FGF14: variants seen among roughly 807,000 people sequenced by gnomAD.
FGF14 encodes fibroblast growth factor 14, also known as fibroblast growth factor homologous factor 4.
A neutral mutation model predicts 25.5 loss-of-function variants in FGF14; 5 were observed. That is an observed-to-expected ratio of 0.20 (90% confidence interval 0.10 to 0.41). FGF14 has a LOEUF of 0.41. FGF14 is among the 10% of genes least tolerant of loss of function. The pLI is 1.00. For missense variants in FGF14, 222 were observed against 320.1 expected (o/e 0.69, Z 2.34); for synonymous variants, 138 against 118.3 (o/e 1.17, Z -1.08).
chr13:101,829,855 G>A (rs959317072), intron 3 of FGF14, among the ~76,000 whole-genome samples: 1 of 152,044 alleles, frequency 6.6e-6, no homozygotes, highest in Non-Finnish European at 1.5e-5. Flanking sequence ...GCAAATATAT[G>A]AGGTGGGCTC....
At chr13:102,120,170 CAA>C (rs2045652392) in intron 1 of FGF14, among the ~76,000 whole-genome samples, 1 of 151,978 alleles carries the variant, frequency 6.6e-6, no homozygotes, top group Non-Finnish European at 1.5e-5. Flanking sequence ...AGACATTCAT[CAA>C]AAAGAGAGGT....
intron 1 of FGF14, among the ~76,000 whole-genome samples, chr13:102,259,075 G>A (rs953474360): frequency 6.6e-5 from 10 of 152,156 alleles, no homozygotes; most frequent in African/African-American, 1.9e-4. Flanking sequence ...TGTGATGGGC[G>A]CTACCAAGGC....
intron 1 of FGF14, among the ~76,000 whole-genome samples, chr13:102,249,883 A>G (rs2052080897): frequency 6.6e-6 from 1 of 152,140 alleles, no homozygotes; most frequent in Admixed American, 6.5e-5. Context: ...GAAATCTCTC[A>G]TGGACTCTAG....
At chr13:101,934,947 C>T (rs1414131328) in intron 1 of FGF14, among the ~76,000 whole-genome samples, 2 of 152,068 alleles carry the variant, frequency 1.3e-5, no homozygotes, top group Non-Finnish European at 2.9e-5. Context: ...GTGTATAATA[C>T]AGTGTTGTTA....
At chr13:102,395,195 C>T (rs1238581393) in intron 1 of FGF14, 1 of 152,156 alleles carries the variant, frequency 6.6e-6, no homozygotes. Flanking sequence ...ATGAGAGTTC[C>T]AGTTACCATC....
intron 1 of FGF14, among the ~76,000 whole-genome samples, chr13:101,894,086 A>G (rs2030234772): frequency 6.6e-6 from 1 of 152,038 alleles, no homozygotes; most frequent in Non-Finnish European, 1.5e-5. Flanking sequence ...AAAGAGTGAC[A>G]ATAATATCAG....
chr13:102,158,469 A>G (rs1315853555), intron 1 of FGF14, among the ~76,000 whole-genome samples: 46 of 145,762 alleles, frequency 3.2e-4, no homozygotes, highest in African/African-American at 1.1e-3. Context: ...GAATTGAACA[A>G]TGAGAACACA....
At chr13:102,288,611 G>T (rs1041394685) in intron 1 of FGF14, among the ~76,000 whole-genome samples, 1 of 150,900 alleles carries the variant, frequency 6.6e-6, no homozygotes, top group African/African-American at 2.4e-5. Context: ...TTGAGATGGC[G>T]TCTCACTCTG....
At chr13:101,723,681 A>G (rs2035157347) in intron 4 of FGF14, among the ~76,000 whole-genome samples, 2 of 152,120 alleles carry the variant, frequency 1.3e-5, no homozygotes, top group Non-Finnish European at 1.5e-5. Flanking sequence ...GAATGGCAAG[A>G]CAGCAACTGA....
intron 1 of FGF14, among the ~76,000 whole-genome samples, chr13:102,128,396 A>G (rs1179121086): frequency 2.0e-5 from 3 of 152,222 alleles, no homozygotes; most frequent in Non-Finnish European, 4.4e-5. Context: ...GGATTGGCCA[A>G]GTAGAGGTAG....
intron 1 of FGF14, chr13:102,366,634 A>AG (rs1449951379): frequency 6.6e-6 from 1 of 151,370 alleles, no homozygotes; most frequent in Non-Finnish European, 1.5e-5. Flanking sequence ...AAAAAAAAAA[A>AG]AAAAAAAAGC....
intron 1 of FGF14, among the ~76,000 whole-genome samples, chr13:102,127,236 C>A (rs2045986971): frequency 6.6e-6 from 1 of 152,140 alleles, no homozygotes; most frequent in South Asian, 2.1e-4. Context: ...AAGATTATTA[C>A]AATTATAATA....
intron 1 of FGF14, among the ~76,000 whole-genome samples, chr13:101,933,048 A>T (rs1485896369): frequency 1.3e-5 from 2 of 152,168 alleles, no homozygotes; most frequent in Non-Finnish European, 2.9e-5. Context: ...CACTCTATTC[A>T]TCTCCATCTT....
intron 3 of FGF14, among the ~76,000 whole-genome samples, chr13:101,816,165 G>T (rs2041835348): frequency 6.6e-6 from 1 of 151,002 alleles, no homozygotes; most frequent in African/African-American, 2.4e-5. Flanking sequence ...AGCTACTTGG[G>T]AGGCTGAGGC....
intron 1 of FGF14, among the ~76,000 whole-genome samples, chr13:102,279,011 C>T (rs1206517576): frequency 1.3e-5 from 2 of 152,046 alleles, no homozygotes; most frequent in African/African-American, 4.8e-5. Flanking sequence ...CATATATGAA[C>T]TGGATTGTTT....
intron 1 of FGF14, among the ~76,000 whole-genome samples, chr13:102,089,103 T>A (rs1355808734): frequency 1.3e-5 from 2 of 152,174 alleles, no homozygotes; most frequent in East Asian, 3.9e-4. Flanking sequence ...AATTTCCCAC[T>A]GGAATGTTCC....
chr13:101,844,333 TCACA>T (rs2043340217), intron 3 of FGF14, among the ~76,000 whole-genome samples: 1 of 152,038 alleles, frequency 6.6e-6, no homozygotes, highest in African/African-American at 2.4e-5. Context: ...ACTCTCAACC[TCACA>T]AGACACCATT....
At chr13:102,166,642 C>T (rs1390382968) in intron 1 of FGF14, among the ~76,000 whole-genome samples, 1 of 152,146 alleles carries the variant, frequency 6.6e-6, no homozygotes, top group Admixed American at 6.6e-5. Context: ...GCAACAGAGC[C>T]GTGCTGTCCC....
chr13:101,967,677 C>T (rs1304343828), intron 1 of FGF14: 3 of 154,168 alleles, frequency 1.9e-5, no homozygotes, highest in African/African-American at 7.2e-5. Flanking sequence ...GCTTTACCAA[C>T]TCCATGATAC....
Sources: gnomAD v4.1 joint callset for allele counts (sites outside exome capture counted in the v4.1 genomes callset) on GRCh38, gnomAD v4.1.1 for gene constraint, MANE v1.5 for transcripts, NCBI Gene and HGNC (gene_info 2026-07-23, HGNC 2026-07-21) for gene names.